Variants in NELL2 observed in about 807,000 individuals in gnomAD.
NELL2 encodes the protein protein kinase C-binding protein NELL2.
NELL2 carries 41 observed loss-of-function variants against 109.6 expected under a neutral mutation model. The ratio of observed to expected loss-of-function variants is 0.37; its 90% CI spans 0.29 to 0.49. The LOEUF (loss-of-function observed/expected upper bound fraction) is 0.49, where lower values mean the gene tolerates loss of function less well. Ranked by LOEUF, NELL2 falls within the 20% of genes least tolerant of loss-of-function variation. NELL2 has a pLI of 0.98. For missense variants in NELL2, 900 were observed against 1,008.3 expected (o/e 0.89, Z 1.45); for synonymous variants, 355 against 344.7 (o/e 1.03, Z -0.33).
chr12:44,764,092 A>G (rs1941232905), intron 9 of NELL2, among the ~76,000 whole-genome samples: 1 of 152,194 alleles, frequency 6.6e-6, no homozygotes, highest in Non-Finnish European at 1.5e-5. Context: ...ATCTAATACA[A>G]ATGTAAAGAA....
At chr12:44,580,783 G>A (rs187866043) in intron 15 of NELL2, among the ~76,000 whole-genome samples, 8 of 152,140 alleles carry the variant, frequency 5.3e-5, no homozygotes, top group South Asian at 2.1e-4. Context: ...CTTTAAGTTC[G>A]AAAAATCACT....
At chr12:44,728,719 T>G (rs1939208319) in intron 9 of NELL2, among the ~76,000 whole-genome samples, 1 of 151,996 alleles carries the variant, frequency 6.6e-6, no homozygotes, top group Non-Finnish European at 1.5e-5. Flanking sequence ...AAAGAGCATT[T>G]CAAAAGAAGC....
At chr12:44,725,900 A>ACT (rs1167500742) in intron 9 of NELL2, among the ~76,000 whole-genome samples, 1 of 152,184 alleles carries the variant, frequency 6.6e-6, no homozygotes, top group East Asian at 1.9e-4. Context: ...ACTATTGGGT[A>ACT]CTGGGTTTAA....
intron 9 of NELL2, among the ~76,000 whole-genome samples, chr12:44,773,114 C>A (rs1195203410): frequency 6.6e-6 from 1 of 152,126 alleles, no homozygotes; most frequent in African/African-American, 2.4e-5. Flanking sequence ...ACACTGACAT[C>A]ACTTAATGCA....
chr12:44,816,056 T>C lies in NELL2; in HGVS notation c.265A>G (p.Ile89Val), dbSNP rs1245316086. 3 of 1,613,620 alleles carry C rather than the reference T, an allele frequency of 1.9e-6. No homozygotes were observed. Among genetic ancestry groups the C allele is most frequent in the Non-Finnish European group, 2.5e-6 (3 of 1,179,888 alleles). The change falls in exon 3 of 20, where the codon ATT (isoleucine) becomes GTT (valine). Residue 89 changes from isoleucine to valine, a missense_variant. By Grantham distance (29) the Ile-to-Val change is conservative. This residue lies in a region of NELL2 where 200 missense variants were observed against 191.8 expected (regional missense o/e 1.04). Coordinates refer to ENST00000429094, the MANE Select transcript of NELL2 (RefSeq NM_001145108.2). ...TGGGTCTGTTTTAGGGTCACCAAAA[T>C]AGTAAATTCATGTTTATTTCTCAGC... is the stretch of plus-strand genomic sequence containing the variant. ...QKLRNKHEFT[I>V]LVTLKQTHLN...
chr12:44,866,272 G>T (rs1215704669), intron 2 of NELL2, among the ~76,000 whole-genome samples: 2 of 152,126 alleles, frequency 1.3e-5, no homozygotes, highest in Non-Finnish European at 2.9e-5. Context: ...CAAGATTAAA[G>T]TAGATATGAA....
At chr12:44,702,245 A>G (rs1167914801) in intron 12 of NELL2, among the ~76,000 whole-genome samples, 1 of 152,112 alleles carries the variant, frequency 6.6e-6, no homozygotes, top group East Asian at 1.9e-4. Flanking sequence ...CTCTAGTTCT[A>G]TAGTCACCCA....
intron 2 of NELL2, among the ~76,000 whole-genome samples, chr12:44,830,057 A>G (rs1289150018): frequency 7.2e-5 from 11 of 152,234 alleles, no homozygotes; most frequent in African/African-American, 2.7e-4. Context: ...AATGATTAGC[A>G]TAAAAAGAAG....
chr12:44,665,160 T>C (rs971723370), intron 13 of NELL2, among the ~76,000 whole-genome samples: 1 of 152,126 alleles, frequency 6.6e-6, no homozygotes. Context: ...AAATCTATCA[T>C]CATATATCAT....
intron 9 of NELL2, among the ~76,000 whole-genome samples, chr12:44,719,035 C>T (rs1170643343): frequency 6.6e-6 from 1 of 152,120 alleles, no homozygotes; most frequent in African/African-American, 2.4e-5. Context: ...CTATCTTAAA[C>T]ATTACAAACT....
chr12:44,562,613 T>C (rs1309306744), intron 15 of NELL2, among the ~76,000 whole-genome samples: 1 of 152,110 alleles, frequency 6.6e-6, no homozygotes, highest in Non-Finnish European at 1.5e-5. Context: ...AAAACCACAA[T>C]GAGATACAAT....
At chr12:44,518,859 G>A (rs1262045234) in intron 19 of NELL2, among the ~76,000 whole-genome samples, 2 of 152,152 alleles carry the variant, frequency 1.3e-5, no homozygotes, top group African/African-American at 4.8e-5. Flanking sequence ...TACATTATTA[G>A]TAACTTTTAG....
intron 15 of NELL2, among the ~76,000 whole-genome samples, chr12:44,588,784 C>G (rs1272637445): frequency 6.6e-6 from 1 of 152,124 alleles, no homozygotes; most frequent in African/African-American, 2.4e-5. Context: ...TGTTTTGTAA[C>G]CATTATCATT....
rs1943915362 is a variant in NELL2 at position 44,572,595 on chromosome 12, T to A, written c.1663+34574A>T. 2.0e-5 allele frequency among the ~76,000 whole-genome samples: 3 copies of A among 150,070 alleles called. No individual in the cohort carries two copies. In the South Asian group the frequency reaches 6.5e-4, roughly 33 times the overall value. On this transcript the variant is annotated intron_variant, in intron 15 of 19. Coordinates refer to ENST00000429094, the MANE Select transcript of NELL2 (RefSeq NM_001145108.2). ...TTAACATATTTTCTGGACAACAGTG[T>A]TTCAATGTTACTTGATTTTGAATCT... is the stretch of plus-strand genomic sequence containing the variant.
intron 12 of NELL2, among the ~76,000 whole-genome samples, chr12:44,668,416 T>C (rs778264474): frequency 6.6e-6 from 1 of 152,114 alleles, no homozygotes; most frequent in Non-Finnish European, 1.5e-5. Context: ...GAGGATAGGC[T>C]TGTCCCACCC....
In NELL2 at chr12:44,847,034, T is replaced by C. The variant is rs904439501; in HGVS notation, c.184+28191A>G. Among the ~76,000 whole-genome samples, 3 of 152,134 alleles carry C rather than the reference T, an allele frequency of 2.0e-5. 1 individual carries two copies. The highest frequency in any genetic ancestry group is 2.0e-4 in the Admixed American group (3 of 15,260). On this transcript the variant is annotated intron_variant, in intron 2 of 19. Coordinates refer to ENST00000429094, the MANE Select transcript of NELL2 (RefSeq NM_001145108.2). Reference sequence around the variant, plus strand: ...AGCAGCTGATTAATGCCTGGCAAAGTTTTCTCCCATACTATGCAATGCCTG... The same window carrying C: ...AGCAGCTGATTAATGCCTGGCAAAGCTTTCTCCCATACTATGCAATGCCTG...
At chr12:44,644,610 A>ATATATATATG (rs1947009707) in intron 13 of NELL2, among the ~76,000 whole-genome samples, 4 of 84,534 alleles carry the variant, frequency 4.7e-5, no homozygotes, top group South Asian at 3.7e-4. Context: ...ATATGTATGT[A>ATATATATATG]TATATATATA....
intron 13 of NELL2, among the ~76,000 whole-genome samples, chr12:44,657,674 C>T (rs1262528181): frequency 6.6e-6 from 1 of 152,168 alleles, no homozygotes; most frequent in Non-Finnish European, 1.5e-5. Flanking sequence ...GTTCCCCTCC[C>T]TGTGTCTATG....
chr12:44,864,714 A>G (rs1161897941), intron 2 of NELL2, among the ~76,000 whole-genome samples: 3 of 152,232 alleles, frequency 2.0e-5, no homozygotes, highest in African/African-American at 7.2e-5. Context: ...TTTACATCAA[A>G]TGGACCTAAC....
Sources: allele counts gnomAD v4.1 joint callset (sites outside exome capture counted in the v4.1 genomes callset), GRCh38; gene constraint gnomAD v4.1.1; regional missense constraint gnomAD v4.1.1; transcripts MANE v1.5; gene names NCBI Gene and HGNC (gene_info 2026-07-23, HGNC 2026-07-21).